KIAA0232: variants seen among roughly 807,000 people sequenced by gnomAD.
The protein encoded by KIAA0232 is uncharacterized protein KIAA0232.
Under a neutral mutation model 122.0 loss-of-function variants are expected in KIAA0232, and 27 were observed. That is an observed-to-expected ratio of 0.22 (90% CI 0.16 to 0.31). The LOEUF is 0.31. KIAA0232 is among the 10% of genes least tolerant of loss of function. The pLI, the probability that KIAA0232 is intolerant of heterozygous loss-of-function variation, is 1.00. For synonymous variants in KIAA0232, 613 were observed against 587.6 expected, an observed-to-expected ratio of 1.04 and a Z score of -0.63; for missense variants, 1,551 against 1,634.2, an observed-to-expected ratio of 0.95 and a Z score of 0.88.
At chr4:6,788,395 T>G (rs368821450) in intron 1 of KIAA0232, among the ~76,000 whole-genome samples, 101 of 152,338 alleles carry the variant, frequency 6.6e-4, no homozygotes, top group African/African-American at 2.3e-3. Flanking sequence ...CTCTGAAATA[T>G]CCTTTCCACC....
At chr4:6,788,087 G>T (rs1716712300) in intron 1 of KIAA0232, among the ~76,000 whole-genome samples, 1 of 152,106 alleles carries the variant, frequency 6.6e-6, no homozygotes, top group African/African-American at 2.4e-5. Flanking sequence ...CACTCATGCT[G>T]GAGTGCAGCG....
At chr4:6,849,485 G>A (rs572235973) in intron 4 of KIAA0232, among the ~76,000 whole-genome samples, 8 of 152,248 alleles carry the variant, frequency 5.3e-5, no homozygotes, top group Admixed American at 3.3e-4. Context: ...ACGTGGTGGC[G>A]CCCACCCATA....
At chr4:6,828,200 G>A (rs896335558) in intron 3 of KIAA0232, among the ~76,000 whole-genome samples, 1 of 152,080 alleles carries the variant, frequency 6.6e-6, no homozygotes, top group East Asian at 1.9e-4. Flanking sequence ...GGGCAACATA[G>A]TGAGACTCCA....
chr4:6,837,377 C>T (rs1323360767), intron 3 of KIAA0232, among the ~76,000 whole-genome samples: 2 of 151,902 alleles, frequency 1.3e-5, no homozygotes, highest in East Asian at 3.9e-4. Flanking sequence ...AGAGAGGCTC[C>T]TCACTTCCTA....
Position 6,835,355 on chromosome 4 carries a change from T to C in KIAA0232, c.232-6712T>C, listed in dbSNP as rs190557423. ...TTCAAGGGGAAGAAGCATCACTCTCTTGATGGTAGAACCACCACTCTGTCA... is the reference window on the plus strand; with the variant it reads ...TTCAAGGGGAAGAAGCATCACTCTCCTGATGGTAGAACCACCACTCTGTCA... On this transcript the variant is annotated intron_variant, in intron 3 of 9. Transcript: ENST00000307659. 6.6e-5 allele frequency among the ~76,000 whole-genome samples: 10 copies of C among 152,290 alleles called. No individual in the cohort carries two copies. The East Asian group carries it at 1.9e-3, about 29-fold the overall frequency.
rs930465536 is a variant in KIAA0232 at position 6,883,395 on chromosome 4, A to C, written c.*2429A>C. ...GTTTGTTGTTTTTATTTCTCATAGCAAAGCTTCTTTTGTAAAGAACTCCAG... is the reference window on the plus strand; with the variant it reads ...GTTTGTTGTTTTTATTTCTCATAGCCAAGCTTCTTTTGTAAAGAACTCCAG... On this transcript the variant is annotated 3_prime_UTR_variant, in exon 10 of 10. Coordinates refer to ENST00000307659, the MANE Select transcript of KIAA0232 (RefSeq NM_014743.3). 1 of 152,534 alleles carries C rather than the reference A, an allele frequency of 6.6e-6. No homozygotes were observed. The highest frequency in any genetic ancestry group is 1.5e-5 in the Non-Finnish European group (1 of 68,052). The allele number at this position is 152,534 out of a possible 1,614,324, so 9.4% of individuals were successfully genotyped here. A position where few individuals can be genotyped will look rare whatever the true frequency, so the allele number is the denominator to read the frequency against.
intron 3 of KIAA0232, among the ~76,000 whole-genome samples, chr4:6,836,539 T>TC (rs1199188097): frequency 6.7e-6 from 1 of 148,546 alleles, no homozygotes; most frequent in African/African-American, 2.4e-5. Context: ...TTTTTTTTTT[T>TC]TCTTTTCTTT....
Position 6,861,228 on chromosome 4 carries a change from G to T in KIAA0232, c.846G>T (p.Lys282Asn). The change falls in exon 7 of 10, where the codon AAG (lysine) becomes AAT (asparagine). Residue 282 changes from lysine to asparagine, a missense_variant. Lys to Asn is a moderately conservative substitution (Grantham distance 94). Coordinates refer to ENST00000307659, the MANE Select transcript of KIAA0232 (RefSeq NM_014743.3). ...AAATCCGACATAAACCTGAAGGAAA[G>T]ATTCGCCCTCGCTCGTGGTCTTCTG... ...KKQIRHKPEGKIRPRSWSSGS... is the reference protein window; with the variant it reads ...KKQIRHKPEGNIRPRSWSSGS... 6.2e-7 allele frequency: 1 copy of T among 1,614,122 alleles called. No homozygotes were observed. Among genetic ancestry groups the T allele is most frequent in the Non-Finnish European group, 8.5e-7 (1 of 1,180,042 alleles).
chr4:6,842,827 G>C (rs1019332535), intron 4 of KIAA0232, among the ~76,000 whole-genome samples: 1 of 152,210 alleles, frequency 6.6e-6, no homozygotes, highest in South Asian at 2.1e-4. Flanking sequence ...GATCTCAGGT[G>C]ATCTGCCTGC....
intron 4 of KIAA0232, among the ~76,000 whole-genome samples, chr4:6,851,541 A>G (rs1342980524): frequency 6.6e-6 from 1 of 151,604 alleles, no homozygotes; most frequent in Non-Finnish European, 1.5e-5. Context: ...CAGAAACCAC[A>G]TCTCTGAAAA....
chr4:6,849,080 G>C (rs1720130779), intron 4 of KIAA0232, among the ~76,000 whole-genome samples: 1 of 152,214 alleles, frequency 6.6e-6, no homozygotes, highest in South Asian at 2.1e-4. Context: ...TTGCCAATCA[G>C]ATGCTGATCA....
At chr4:6,793,293 T>C (rs1210140968) in intron 1 of KIAA0232, among the ~76,000 whole-genome samples, 1 of 152,194 alleles carries the variant, frequency 6.6e-6, no homozygotes, top group Non-Finnish European at 1.5e-5. Context: ...TTATTTGAAA[T>C]CCACACAGAG....
chr4:6,790,659 G>A (rs1285996095), intron 1 of KIAA0232, among the ~76,000 whole-genome samples: 2 of 151,700 alleles, frequency 1.3e-5, no homozygotes, highest in African/African-American at 4.8e-5. Flanking sequence ...TGCTGGGACT[G>A]TGGGTATGAG....
intron 2 of KIAA0232, among the ~76,000 whole-genome samples, chr4:6,813,671 G>GT (rs1434365192): frequency 6.6e-6 from 1 of 152,006 alleles, no homozygotes; most frequent in Non-Finnish European, 1.5e-5. Flanking sequence ...CAGGTCTGTT[G>GT]TTTTTTTCTC....
chr4:6,874,375 G>A (rs1721646583), intron 8 of KIAA0232, among the ~76,000 whole-genome samples: 1 of 152,186 alleles, frequency 6.6e-6, no homozygotes, highest in Admixed American at 6.5e-5. Flanking sequence ...AATGCATTGG[G>A]TATGCCCCCA....
chr4:6,839,518 A>G (rs1490560352), intron 3 of KIAA0232, among the ~76,000 whole-genome samples: 1 of 152,246 alleles, frequency 6.6e-6, no homozygotes, highest in African/African-American at 2.4e-5. Flanking sequence ...AAAACTAGGG[A>G]TGGTCCCTGA....
At chr4:6,846,002 A>C (rs1387314095) in intron 4 of KIAA0232, among the ~76,000 whole-genome samples, 1 of 152,084 alleles carries the variant, frequency 6.6e-6, no homozygotes, top group Non-Finnish European at 1.5e-5. Context: ...GCTTTGGGAA[A>C]ATGCTTTCCT....
At chr4:6,876,513 TGAC>T in intron 8 of KIAA0232, 144 bp from the exon 9 acceptor site, 1 of 569,352 alleles carries the variant, frequency 1.8e-6, no homozygotes, top group Non-Finnish European at 3.1e-6. Context: ...GTGCTTTTAG[TGAC>T]GACTTAAAAC....
chr4:6,801,519 T>C (rs1297249524), intron 1 of KIAA0232, among the ~76,000 whole-genome samples: 2 of 151,084 alleles, frequency 1.3e-5, no homozygotes, highest in Non-Finnish European at 3.0e-5. Flanking sequence ...TGCGACCCTA[T>C]CTCTACCAAA....
Sources: gnomAD v4.1 joint callset for allele counts (sites outside exome capture counted in the v4.1 genomes callset) on GRCh38, gnomAD v4.1.1 for gene constraint, MANE v1.5 for transcripts, NCBI Gene and HGNC (gene_info 2026-07-23, HGNC 2026-07-21) for gene names.